Variants in RANBP2 observed in about 807,000 individuals in gnomAD.
RANBP2 encodes the protein RAN binding protein 2.
A neutral mutation model predicts 303.6 loss-of-function variants in RANBP2; 57 were observed. The observed-to-expected ratio is 0.19, with a 90% CI of 0.15 to 0.23. The LOEUF is 0.23. Ranked by LOEUF, RANBP2 falls within the 10% of genes least tolerant of loss-of-function variation. RANBP2 has a pLI of 1.00. For synonymous variants in RANBP2, 1,167 were observed against 1,301.5 expected (o/e 0.90, Z 2.23); for missense variants, 3,138 against 3,780.8 (o/e 0.83, Z 4.46).
the RANBP2 span, among the ~76,000 whole-genome samples, chr2:108,866,906 A>G: frequency 6.6e-6 from 1 of 152,014 alleles, no homozygotes; most frequent in African/African-American, 2.4e-5. Context: ...AGAAATGAGT[A>G]AAATATTACC....
the RANBP2 span, among the ~76,000 whole-genome samples, chr2:108,972,264 A>G: frequency 1.3e-5 from 2 of 152,266 alleles, no homozygotes; most frequent in African/African-American, 4.8e-5. Context: ...CCTGTAAGAG[A>G]CCAACTTCTG....
the RANBP2 span, among the ~76,000 whole-genome samples, chr2:109,463,009 A>G: frequency 6.6e-6 from 1 of 152,186 alleles, no homozygotes; most frequent in African/African-American, 2.4e-5. Flanking sequence ...AGCCTGGGAG[A>G]AAGATTAACA....
chr2:109,429,099 T>C, the RANBP2 span, among the ~76,000 whole-genome samples: 1 of 152,124 alleles, frequency 6.6e-6, no homozygotes, highest in Non-Finnish European at 1.5e-5. Flanking sequence ...GCAGAGACCC[T>C]GAGAGGTGGG....
chr2:109,004,972 C>A, the RANBP2 span, among the ~76,000 whole-genome samples: 1 of 152,150 alleles, frequency 6.6e-6, no homozygotes, highest in Non-Finnish European at 1.5e-5. Flanking sequence ...ATGTTCAGAG[C>A]CCGGTGGTTA....
the RANBP2 span, among the ~76,000 whole-genome samples, chr2:109,390,890 G>A: frequency 6.6e-6 from 1 of 152,156 alleles, no homozygotes; most frequent in Admixed American, 6.5e-5. Context: ...TTCTCTAGAG[G>A]GTCCCGGCAT....
the RANBP2 span, among the ~76,000 whole-genome samples, chr2:108,980,551 T>C: frequency 6.6e-6 from 1 of 152,284 alleles, no homozygotes; most frequent in African/African-American, 2.4e-5. Flanking sequence ...TGATATTACA[T>C]GCATATGTAT....
chr2:109,734,707 G>A, the RANBP2 span, among the ~76,000 whole-genome samples: 12 of 151,996 alleles, frequency 7.9e-5, no homozygotes, highest in African/African-American at 2.7e-4. Context: ...AGGAAGAATA[G>A]AGTTGGAAGA....
chr2:109,431,409 C>T, the RANBP2 span, among the ~76,000 whole-genome samples: 1 of 152,198 alleles, frequency 6.6e-6, no homozygotes, highest in African/African-American at 2.4e-5. Context: ...ACCAACCTTC[C>T]CCAAATCCCA....
At chr2:109,691,405 G>A in the RANBP2 span, among the ~76,000 whole-genome samples, 1 of 152,122 alleles carries the variant, frequency 6.6e-6, no homozygotes, top group African/African-American at 2.4e-5. Context: ...GTTGGACCGG[G>A]GCCTGGTGGG....
chr2:109,455,126 C>T, the RANBP2 span, among the ~76,000 whole-genome samples: 1 of 152,318 alleles, frequency 6.6e-6, no homozygotes, highest in South Asian at 2.1e-4. Flanking sequence ...GAATGCTGGC[C>T]TCCTGCCTCC....
the RANBP2 span, among the ~76,000 whole-genome samples, chr2:109,268,506 T>C: frequency 3.3e-5 from 5 of 152,308 alleles, no homozygotes. Context: ...AAGCAACCTC[T>C]GTCCAGCAGG....
chr2:108,737,409 G>A (rs574905998), intron 6 of RANBP2, among the ~76,000 whole-genome samples: 1 of 148,428 alleles, frequency 6.7e-6, no homozygotes, highest in South Asian at 2.1e-4. Flanking sequence ...AACGACCTTG[G>A]CTCACTGTAA....
chr2:109,163,601 G>GTTT, the RANBP2 span, among the ~76,000 whole-genome samples: 2 of 151,234 alleles, frequency 1.3e-5, no homozygotes, highest in South Asian at 2.1e-4. Flanking sequence ...GGGTTTCACC[G>GTTT]TTTTAGCCGG....
the RANBP2 span, among the ~76,000 whole-genome samples, chr2:109,223,433 C>G: frequency 1.6e-4 from 25 of 152,336 alleles, no homozygotes; most frequent in African/African-American, 5.5e-4. Context: ...TGCTTTGATT[C>G]CTCGGTTATT....
the RANBP2 span, among the ~76,000 whole-genome samples, chr2:109,384,609 G>T: frequency 6.6e-6 from 1 of 152,124 alleles, no homozygotes; most frequent in Non-Finnish European, 1.5e-5. Context: ...TCTCTTCCAG[G>T]CCCCTTCTCT....
chr2:109,099,114 C>T, the RANBP2 span, among the ~76,000 whole-genome samples: 2 of 152,168 alleles, frequency 1.3e-5, no homozygotes, highest in Non-Finnish European at 2.9e-5. Context: ...GTATACCCAA[C>T]GGGTTGGCTA....
chr2:109,241,479 A>G, the RANBP2 span, among the ~76,000 whole-genome samples: 1 of 152,148 alleles, frequency 6.6e-6, no homozygotes, highest in African/African-American at 2.4e-5. Flanking sequence ...TATCTTTTGA[A>G]ATTTCCTACA....
chr2:109,093,622 GA>G, the RANBP2 span, among the ~76,000 whole-genome samples: 1 of 106,354 alleles, frequency 9.4e-6, no homozygotes, highest in Admixed American at 8.4e-5. Context: ...GATTTAAAAA[GA>G]TTTTTTTTTA....
At chr2:109,000,596 T>C in the RANBP2 span, among the ~76,000 whole-genome samples, 2 of 152,108 alleles carry the variant, frequency 1.3e-5, no homozygotes, top group Non-Finnish European at 2.9e-5. Context: ...CCTTAAAGCA[T>C]GCAACAGGTC....
Sources: allele counts gnomAD v4.1 joint callset (sites outside exome capture counted in the v4.1 genomes callset), GRCh38; gene constraint gnomAD v4.1.1; transcripts MANE v1.5; gene names NCBI Gene and HGNC (gene_info 2026-07-23, HGNC 2026-07-21).